Variants in MTMR2 observed in about 807,000 individuals in gnomAD.
MTMR2 encodes the protein phosphatidylinositol-3,5-bisphosphate 3-phosphatase MTMR2.
A neutral mutation model predicts 86.9 loss-of-function variants in MTMR2; 55 were observed. That is an observed-to-expected ratio of 0.63 (90% CI 0.51 to 0.79). The LOEUF (loss-of-function observed/expected upper bound fraction) is 0.79. MTMR2 is among the 30% of genes least tolerant of loss of function. The pLI is 0.00. For synonymous variants in MTMR2, 241 were observed against 266.8 expected (o/e 0.90, Z 0.94); for missense variants, 659 against 772.3 (o/e 0.85, Z 1.74).
At position 95,861,973 on chromosome 11, in the gene MTMR2, T is replaced by A; in HGVS notation, c.468+19A>T. On this transcript the variant is annotated intron_variant, in intron 5 of 14. Transcript: ENST00000346299. The stretch of plus-strand genomic sequence containing the variant: ...GCTTTTCAAACCAAAGAAAATCACA[T>A]ACATATTATAACATTTACCTTACAC... 1 of 1,527,836 alleles carries A rather than the reference T, an allele frequency of 6.5e-7. No homozygotes were observed. The highest frequency in any genetic ancestry group is 1.1e-5 in the South Asian group (1 of 89,356). 94.6% of individuals were successfully genotyped at this position (1,527,836 alleles called of 1,614,324 possible). A position where few individuals can be genotyped will look rare whatever the true frequency, so the allele number is the denominator to read the frequency against.
chr11:95,882,863 C>CAGT (rs1320973305), intron 2 of MTMR2, among the ~76,000 whole-genome samples: 10 of 143,984 alleles, frequency 6.9e-5, no homozygotes, highest in Admixed American at 1.4e-4. Flanking sequence ...GCTGGGACTA[C>CAGT]AGGCGCCCGC....
chr11:95,881,294 A>C (rs1391505460), intron 2 of MTMR2, among the ~76,000 whole-genome samples: 3 of 152,056 alleles, frequency 2.0e-5, no homozygotes, highest in African/African-American at 4.8e-5. Flanking sequence ...CTTATGCCTG[A>C]TTGGGTGAAT....
At chr11:95,839,905 A>G (rs1176306734) in intron 12 of MTMR2, 2 of 152,218 alleles carry the variant, frequency 1.3e-5, no homozygotes, top group Non-Finnish European at 2.9e-5. Context: ...TATCAAAAAT[A>G]CAGATTTAAA....
At chr11:95,897,026 C>T (rs114215782) in intron 1 of MTMR2, among the ~76,000 whole-genome samples, 1 of 150,518 alleles carries the variant, frequency 6.6e-6, no homozygotes, top group African/African-American at 2.4e-5. Flanking sequence ...CAGCAGTATC[C>T]TTGGCCAAGT....
chr11:95,853,919 G>A (rs1864115088), intron 7 of MTMR2, among the ~76,000 whole-genome samples: 1 of 152,040 alleles, frequency 6.6e-6, no homozygotes, highest in Non-Finnish European at 1.5e-5. Context: ...ACATCAGAGG[G>A]CCTAATGTAC....
At chr11:95,874,048 G>C (rs1159854742) in intron 2 of MTMR2, among the ~76,000 whole-genome samples, 1 of 152,186 alleles carries the variant, frequency 6.6e-6, no homozygotes, top group African/African-American at 2.4e-5. Flanking sequence ...GTGTGGTGTG[G>C]TGCTGAAAAG....
chr11:95,902,230 C>T (rs1335557303), intron 1 of MTMR2, among the ~76,000 whole-genome samples: 2 of 152,142 alleles, frequency 1.3e-5, no homozygotes, highest in Admixed American at 1.3e-4. Context: ...TATTCAGCTC[C>T]TTGTGCTCCA....
chr11:95,873,314 C>T (rs1332632973), intron 2 of MTMR2, among the ~76,000 whole-genome samples: 1 of 152,184 alleles, frequency 6.6e-6, no homozygotes, highest in Non-Finnish European at 1.5e-5. Flanking sequence ...AGGGATTCAA[C>T]TTCTTCCTGG....
At chr11:95,888,442 G>A (rs533686110) in intron 1 of MTMR2, among the ~76,000 whole-genome samples, 181 bp from the exon 2 acceptor site, 2 of 152,282 alleles carry the variant, frequency 1.3e-5, no homozygotes, top group African/African-American at 4.8e-5. Context: ...GCTGGGTCAA[G>A]TATTCTTATG....
intron 1 of MTMR2, among the ~76,000 whole-genome samples, chr11:95,890,961 C>T (rs570856611): frequency 5.9e-5 from 9 of 152,272 alleles, no homozygotes; most frequent in African/African-American, 2.2e-4. Flanking sequence ...TCTAGACAGT[C>T]AAACACAATA....
chr11:95,902,906 ACCAC>A (rs1866124255), intron 1 of MTMR2, among the ~76,000 whole-genome samples: 1 of 152,126 alleles, frequency 6.6e-6, no homozygotes, highest in Non-Finnish European at 1.5e-5. Context: ...TACAGCATGT[ACCAC>A]CCTCTTTGTT....
chr11:95,839,603 A>T (rs926311122), intron 12 of MTMR2, among the ~76,000 whole-genome samples: 1 of 152,128 alleles, frequency 6.6e-6, no homozygotes, highest in Non-Finnish European at 1.5e-5. Flanking sequence ...TTTTCTTTAC[A>T]TGTTTAAAAT....
intron 6 of MTMR2, among the ~76,000 whole-genome samples, chr11:95,857,985 A>C (rs183661137): frequency 6.6e-6 from 1 of 152,208 alleles, no homozygotes; most frequent in Non-Finnish European, 1.5e-5. Flanking sequence ...AACTGGAGTC[A>C]TAAGACCAAC....
intron 2 of MTMR2, among the ~76,000 whole-genome samples, chr11:95,869,115 T>G (rs183383878): frequency 3.9e-4 from 60 of 151,982 alleles, no homozygotes; most frequent in African/African-American, 1.4e-3. Flanking sequence ...CATACTACGC[T>G]CTGAGTCTTA....
chr11:95,863,275 G>A (rs1032037788), intron 3 of MTMR2, among the ~76,000 whole-genome samples: 38 of 152,096 alleles, frequency 2.5e-4, no homozygotes, highest in African/African-American at 9.2e-4. Context: ...ACGGGCTTCT[G>A]GGAAAACTTG....
intron 1 of MTMR2, among the ~76,000 whole-genome samples, chr11:95,893,433 C>A (rs1301395489): frequency 6.6e-6 from 1 of 152,036 alleles, no homozygotes; most frequent in African/African-American, 2.4e-5. Flanking sequence ...GACACCCAGA[C>A]CCTCAACCCC....
At chr11:95,841,817 C>T (rs941917083) in intron 11 of MTMR2, 108 bp from the exon 12 acceptor site, 7 of 885,412 alleles carry the variant, frequency 7.9e-6, no homozygotes, top group Middle Eastern at 2.6e-4. Context: ...TTTTCAAAGT[C>T]GGGTGCTGTG....
At chr11:95,919,322 A>G (rs569235036) in intron 1 of MTMR2, among the ~76,000 whole-genome samples, 13 of 152,358 alleles carry the variant, frequency 8.5e-5, no homozygotes, top group South Asian at 8.3e-4. Context: ...GCAGGCATGC[A>G]ATTTATAAAT....
chr11:95,903,098 T>A (rs1866133951), intron 1 of MTMR2, among the ~76,000 whole-genome samples: 1 of 152,192 alleles, frequency 6.6e-6, no homozygotes, highest in Non-Finnish European at 1.5e-5. Flanking sequence ...TCCGCAATGA[T>A]CTTGTCTTCC....
Sources: allele counts gnomAD v4.1 joint callset (sites outside exome capture counted in the v4.1 genomes callset), GRCh38; gene constraint gnomAD v4.1.1; transcripts MANE v1.5; gene names NCBI Gene and HGNC (gene_info 2026-07-23, HGNC 2026-07-21).